Variants in LUZP2 observed in about 807,000 individuals in gnomAD.
LUZP2 encodes leucine zipper protein 2.
Under a neutral mutation model 51.6 loss-of-function variants are expected in LUZP2, and 52 were observed. The ratio of observed to expected loss-of-function variants is 1.01; its 90% CI spans 0.81 to 1.27. The LOEUF is 1.27. LUZP2 is among the 50% of genes most tolerant of loss of function. The pLI is 0.00. For missense variants in LUZP2, 436 were observed against 395.4 expected (o/e 1.10, Z -0.87); for synonymous variants, 154 against 137.3 (o/e 1.12, Z -0.85).
At chr11:24,989,973 A>G (rs1856290723) in intron 9 of LUZP2, among the ~76,000 whole-genome samples, 1 of 152,110 alleles carries the variant, frequency 6.6e-6, no homozygotes, top group African/African-American at 2.4e-5. Context: ...CTAAATTGCA[A>G]TTGTCATCTG....
intron 1 of LUZP2, among the ~76,000 whole-genome samples, chr11:24,586,879 T>G (rs1853083888): frequency 6.6e-6 from 1 of 152,128 alleles, no homozygotes; most frequent in South Asian, 2.1e-4. Context: ...AACAGATTCT[T>G]CATTATATAT....
At chr11:25,074,906 T>C (rs1859256959) in intron 10 of LUZP2, among the ~76,000 whole-genome samples, 2 of 152,252 alleles carry the variant, frequency 1.3e-5, no homozygotes, top group South Asian at 4.1e-4. Flanking sequence ...AACTGTTTAA[T>C]GTTGAAATCA....
In LUZP2 at chr11:25,077,371, A is replaced by C; in HGVS notation, c.901A>C (p.Ser301Arg). Residue 301 changes from serine to arginine, a missense_variant, in exon 11 of 12, where the codon AGT becomes CGT. By Grantham distance (110) the Ser-to-Arg change is moderately radical (BLOSUM62 -1). Coordinates refer to ENST00000336930, the MANE Select transcript of LUZP2 (RefSeq NM_001009909.4). ...CATGAAGCACAAAGAAAGTCCCCCA[A>C]GTAATGCCACTGCAGAAACCGAGCC... ...CSMKHKESPPSNATAETEPIP... is the reference protein window; with the variant it reads ...CSMKHKESPPRNATAETEPIP... The C allele has an allele frequency of 6.2e-7, 1 of 1,613,224 alleles. No homozygotes were observed. Among genetic ancestry groups the C allele is most frequent in the Non-Finnish European group, 8.5e-7 (1 of 1,179,396 alleles).
chr11:24,738,008 A>T (rs867326369), intron 3 of LUZP2, among the ~76,000 whole-genome samples: 2 of 152,068 alleles, frequency 1.3e-5, no homozygotes, highest in South Asian at 4.1e-4. Context: ...TATTTAAAAA[A>T]AAATCAACTT....
chr11:24,515,611 T>C (rs1312355120), intron 1 of LUZP2, among the ~76,000 whole-genome samples: 1 of 152,126 alleles, frequency 6.6e-6, no homozygotes, highest in Non-Finnish European at 1.5e-5. Context: ...AGTAATGACT[T>C]TCCTATGGGT....
At chr11:24,904,574 C>T (rs1002739606) in intron 5 of LUZP2, among the ~76,000 whole-genome samples, 10 of 152,322 alleles carry the variant, frequency 6.6e-5, no homozygotes, top group East Asian at 1.9e-4. Context: ...TGAGCCACCA[C>T]GCCCGACCTA....
At chr11:24,978,610 A>G (rs1855942279) in intron 8 of LUZP2, among the ~76,000 whole-genome samples, 1 of 151,738 alleles carries the variant, frequency 6.6e-6, no homozygotes, top group African/African-American at 2.4e-5. Flanking sequence ...ATCCTATGCT[A>G]GGTACAAGGG....
intron 5 of LUZP2, among the ~76,000 whole-genome samples, chr11:24,806,246 C>T (rs11825347): frequency 0.059 from 8,958 of 152,090 alleles, 766 homozygotes; most frequent in African/African-American, 0.19. Flanking sequence ...GCTTACCACT[C>T]GGTAAATGTT....
chr11:24,902,408 G>T (rs540717017), intron 5 of LUZP2, among the ~76,000 whole-genome samples: 1 of 152,224 alleles, frequency 6.6e-6, no homozygotes, highest in Admixed American at 6.5e-5. Flanking sequence ...GAAATCCGGA[G>T]AAAATAAATC....
At chr11:24,892,340 A>G (rs1282383643) in intron 5 of LUZP2, 3 of 985,252 alleles carry the variant, frequency 3.0e-6, no homozygotes, top group Non-Finnish European at 3.6e-6. Flanking sequence ...AAGACATTCA[A>G]ATTAGCCACC....
At chr11:24,980,924 G>A (rs568269838) in intron 8 of LUZP2, among the ~76,000 whole-genome samples, 3 of 151,880 alleles carry the variant, frequency 2.0e-5, no homozygotes, top group Admixed American at 6.6e-5. Flanking sequence ...TTTTCATTAA[G>A]GAACTTGCAT....
chr11:24,766,985 C>G (rs1184506210), intron 5 of LUZP2, among the ~76,000 whole-genome samples: 1 of 152,128 alleles, frequency 6.6e-6, no homozygotes, highest in East Asian at 1.9e-4. Flanking sequence ...TGGTCTGTAA[C>G]TCCTGACCTC....
intron 7 of LUZP2, among the ~76,000 whole-genome samples, chr11:24,974,975 C>A: frequency 6.6e-6 from 1 of 152,094 alleles, no homozygotes; most frequent in Non-Finnish European, 1.5e-5. Context: ...GTGATCTTGG[C>A]TGGGCTGAAG....
chr11:24,911,836 C>T (rs1853645763), intron 6 of LUZP2, among the ~76,000 whole-genome samples: 1 of 152,114 alleles, frequency 6.6e-6, no homozygotes, highest in South Asian at 2.1e-4. Flanking sequence ...AGAATAAAGT[C>T]AAGGTACTGA....
intron 1 of LUZP2, among the ~76,000 whole-genome samples, chr11:24,610,781 A>G (rs954343591): frequency 6.6e-6 from 1 of 152,142 alleles, no homozygotes; most frequent in African/African-American, 2.4e-5. Context: ...CCCTGTTTCT[A>G]CTGAAAACAC....
intron 7 of LUZP2, among the ~76,000 whole-genome samples, chr11:24,973,222 T>C (rs1222728307): frequency 6.6e-6 from 1 of 151,606 alleles, no homozygotes; most frequent in East Asian, 1.9e-4. Context: ...TTCTAGTTTA[T>C]GTGCATAGAG....
At chr11:24,627,127 G>C (rs1247898037) in intron 1 of LUZP2, among the ~76,000 whole-genome samples, 1 of 152,168 alleles carries the variant, frequency 6.6e-6, no homozygotes, top group Admixed American at 6.6e-5. Flanking sequence ...CAAGATGTGA[G>C]TACACAGATA....
At chr11:24,763,785 T>C (rs1405113868) in intron 5 of LUZP2, among the ~76,000 whole-genome samples, 1 of 152,186 alleles carries the variant, frequency 6.6e-6, no homozygotes, top group Non-Finnish European at 1.5e-5. Flanking sequence ...TCCTATTAAA[T>C]ACTGCATACA....
At chr11:24,739,112 AG>A (rs1859043453) in intron 4 of LUZP2, among the ~76,000 whole-genome samples, 1 of 152,074 alleles carries the variant, frequency 6.6e-6, no homozygotes, top group South Asian at 2.1e-4. Flanking sequence ...CACACCACAG[AG>A]GGGCCACACG....
Sources: gnomAD v4.1 joint callset for allele counts (sites outside exome capture counted in the v4.1 genomes callset) on GRCh38, gnomAD v4.1.1 for gene constraint, MANE v1.5 for transcripts, NCBI Gene and HGNC (gene_info 2026-07-23, HGNC 2026-07-21) for gene names.